NCAM2: variants seen among roughly 807,000 people sequenced by gnomAD.
The protein encoded by NCAM2 is neural cell adhesion molecule 2.
A neutral mutation model predicts 98.1 loss-of-function variants in NCAM2; 30 were observed. The observed-to-expected ratio is 0.31, with a 90% CI of 0.23 to 0.41. The LOEUF is 0.41. NCAM2 is among the 10% of genes least tolerant of loss of function. The pLI is 1.00. For synonymous variants in NCAM2, 368 were observed against 342.4 expected, an observed-to-expected ratio of 1.07 and a Z score of -0.83; for missense variants, 867 against 1,005.8, an observed-to-expected ratio of 0.86 and a Z score of 1.87.
chr21:21,418,394 G>A, intron 10 of NCAM2, 79 bp from the exon 11 acceptor site: 2 of 978,294 alleles, frequency 2.0e-6, no homozygotes, highest in Non-Finnish European at 3.3e-6. Context: ...ATGTGTGAAA[G>A]TGGTAGTCAT....
At chr21:21,315,829 T>C (rs2074204848) in intron 5 of NCAM2, among the ~76,000 whole-genome samples, 1 of 152,154 alleles carries the variant, frequency 6.6e-6, no homozygotes, top group Non-Finnish European at 1.5e-5. Flanking sequence ...CTTTTAAGAG[T>C]CTTCAAATAG....
intron 1 of NCAM2, among the ~76,000 whole-genome samples, chr21:21,243,096 A>T (rs924543243): frequency 2.0e-5 from 3 of 152,160 alleles, no homozygotes; most frequent in African/African-American, 7.2e-5. Flanking sequence ...GGAATCTTAA[A>T]AGAGACACAG....
intron 1 of NCAM2, among the ~76,000 whole-genome samples, chr21:21,126,552 TTG>T (rs1184079056): frequency 6.6e-6 from 1 of 151,984 alleles, no homozygotes; most frequent in African/African-American, 2.4e-5. Context: ...CTCTACCTAT[TTG>T]TGTTTGTGTG....
At chr21:21,405,108 A>G (rs564612328) in intron 9 of NCAM2, among the ~76,000 whole-genome samples, 2 of 152,098 alleles carry the variant, frequency 1.3e-5, no homozygotes, top group Non-Finnish European at 2.9e-5. Flanking sequence ...TATTATTATT[A>G]TACTTACTAT....
chr21:21,230,354 T>A (rs1268936870), intron 1 of NCAM2, among the ~76,000 whole-genome samples: 1 of 151,258 alleles, frequency 6.6e-6, no homozygotes, highest in Admixed American at 6.6e-5. Flanking sequence ...TCGGATTTGT[T>A]TGATTTTAAT....
At chr21:21,049,474 T>C (rs369028863) in intron 1 of NCAM2, among the ~76,000 whole-genome samples, 1 of 12,710 alleles carries the variant, frequency 7.9e-5, no homozygotes, top group Admixed American at 1.2e-3. Flanking sequence ...AATTGCCTAA[T>C]AAAAAGAGCA....
intron 15 of NCAM2, among the ~76,000 whole-genome samples, chr21:21,494,508 A>G (rs905511283): frequency 1.6e-4 from 25 of 151,964 alleles, no homozygotes; most frequent in Middle Eastern, 3.2e-3. Context: ...CTACTAATCA[A>G]TACAAACACT....
intron 8 of NCAM2, among the ~76,000 whole-genome samples, chr21:21,340,504 T>C (rs1238163307): frequency 2.6e-5 from 4 of 151,950 alleles, no homozygotes; most frequent in Non-Finnish European, 5.9e-5. Context: ...AAGGAGTATA[T>C]TAAAAAACAC....
intron 1 of NCAM2, among the ~76,000 whole-genome samples, chr21:21,219,842 G>T (rs2070066549): frequency 6.6e-6 from 1 of 152,132 alleles, no homozygotes; most frequent in Non-Finnish European, 1.5e-5. Flanking sequence ...CGGTGTGGAG[G>T]TAAAAGACAG....
At chr21:21,512,655 T>C (rs1219706219) in intron 16 of NCAM2, among the ~76,000 whole-genome samples, 1 of 152,072 alleles carries the variant, frequency 6.6e-6, no homozygotes, top group Non-Finnish European at 1.5e-5. Context: ...AAGAATTGCA[T>C]TGAATCTGTA....
chr21:21,512,230 T>C (rs1988432388), intron 16 of NCAM2, among the ~76,000 whole-genome samples: 1 of 152,014 alleles, frequency 6.6e-6, no homozygotes, highest in African/African-American at 2.4e-5. Flanking sequence ...GATTTGGTCT[T>C]CGATTTAAGT....
intron 1 of NCAM2, among the ~76,000 whole-genome samples, chr21:21,252,076 G>A (rs1165945671): frequency 6.6e-6 from 1 of 151,910 alleles, no homozygotes; most frequent in Non-Finnish European, 1.5e-5. Flanking sequence ...AAGACATTAT[G>A]TGGCCAACAA....
At position 21,508,808 on chromosome 21, in the gene NCAM2, CTTTTTTTTTTTTTTTTTTT is replaced by C. The variant is rs764097299; in HGVS notation, c.2078-29_2078-11del. ...ATTTAGAGGTTTAATACTTTTTTTC[CTTTTTTTTTTTTTTTTTTT>C]TTTTTTTTTTTTTACTTTTTAAGAC... is the stretch of plus-strand genomic sequence containing the variant. On this transcript the variant is annotated intron_variant, in intron 15 of 17. Transcript: ENST00000400546. 1.1e-4 allele frequency: 47 copies of C among 413,284 alleles called. 1 individual carries two copies. In the East Asian group the frequency reaches 1.3e-3, roughly 11 times the overall value. The allele number at this position is 413,284 out of a possible 1,614,324, so 25.6% of individuals were successfully genotyped here.
Position 21,025,920 on chromosome 21 carries a change from T to C in NCAM2, c.55+27302T>C, listed in dbSNP as rs1471143771. Among the ~76,000 whole-genome samples the C allele has an allele frequency of 2.0e-5, 3 of 152,176 alleles. No individual in the cohort carries two copies. The East Asian group carries it at 5.8e-4, about 29-fold the overall frequency. ...GCAAATTGATAATGCCTTTGGGCAA[T>C]TGATGTGAAGATAGAGTTTAGTGAG... On this transcript the variant is annotated intron_variant, in intron 1 of 17. Coordinates refer to ENST00000400546, the MANE Select transcript of NCAM2 (RefSeq NM_004540.5).
intron 1 of NCAM2, among the ~76,000 whole-genome samples, chr21:21,117,745 C>T (rs1259369155): frequency 6.6e-6 from 1 of 152,068 alleles, no homozygotes; most frequent in Non-Finnish European, 1.5e-5. Flanking sequence ...AAGCATATAT[C>T]TTTGTTCGTG....
chr21:21,476,784 C>T (rs561553951), intron 14 of NCAM2, among the ~76,000 whole-genome samples: 16 of 151,848 alleles, frequency 1.1e-4, no homozygotes, highest in African/African-American at 3.9e-4. Flanking sequence ...CATAAAACAT[C>T]ATAGTAGTAA....
Position 21,265,421 on chromosome 21 carries a change from ATATG to A in NCAM2, c.56-15155_56-15152del, listed in dbSNP as rs527952783. On this transcript the variant is annotated intron_variant, in intron 1 of 17. Coordinates refer to ENST00000400546, the MANE Select transcript of NCAM2 (RefSeq NM_004540.5). ...TATATTATATATGTGTATATATAAT[ATATG>A]TGTGTATATATATTATATATACACA... 2.9e-3 allele frequency among the ~76,000 whole-genome samples: 232 copies of A among 79,072 alleles called. 6 individuals carry two copies. Among genetic ancestry groups the A allele is most frequent in the African/African-American group, 0.013 (227 of 18,148 alleles). The allele number at this position is 79,072 out of a possible 152,430, so 51.9% of individuals were successfully genotyped here. A position where few individuals can be genotyped will look rare whatever the true frequency, so the allele number is the denominator to read the frequency against.
chr21:21,082,225 TA>T (rs57713170), intron 1 of NCAM2, among the ~76,000 whole-genome samples: 1,159 of 82,884 alleles, frequency 0.014, 14 homozygotes, highest in African/African-American at 0.036. Context: ...GAGAATCCTT[TA>T]AAAAAAAAAA....
rs558758185 is a variant in NCAM2 at position 21,527,671 on chromosome 21, C to T, written c.2283-6866C>T. On this transcript the variant is annotated intron_variant, in intron 16 of 17. Transcript: ENST00000400546. ...AGCTACTGTACCACTGCAAGCCTAT[C>T]GAAATGGTCAACATCTAGAACATTG... Among the ~76,000 whole-genome samples, 7 of 152,204 alleles carry T rather than the reference C, an allele frequency of 4.6e-5. No homozygotes were observed. The East Asian group carries it at 1.2e-3, about 25-fold the overall frequency.
Sources: allele counts gnomAD v4.1 joint callset (sites outside exome capture counted in the v4.1 genomes callset), GRCh38; gene constraint gnomAD v4.1.1; transcripts MANE v1.5; gene names NCBI Gene and HGNC (gene_info 2026-07-23, HGNC 2026-07-21).